CSPP1: variants seen among roughly 807,000 people sequenced by gnomAD.
The protein encoded by CSPP1 is centrosome and spindle pole-associated protein 1.
CSPP1 carries 126 observed loss-of-function variants against 164.4 expected under a neutral mutation model. The ratio of observed to expected loss-of-function variants is 0.77; its 90% CI spans 0.66 to 0.89. The LOEUF is 0.89. CSPP1 is among the 40% of genes least tolerant of loss of function. The pLI, the probability that CSPP1 is intolerant of heterozygous loss-of-function variation, is 0.00. For synonymous variants in CSPP1, 472 were observed against 476.7 expected, an observed-to-expected ratio of 0.99 and a Z score of 0.13; for missense variants, 1,395 against 1,449.8, an observed-to-expected ratio of 0.96 and a Z score of 0.61.
intron 16 of CSPP1, among the ~76,000 whole-genome samples, chr8:67,132,570 G>A (rs1439921300): frequency 6.6e-6 from 1 of 152,180 alleles, no homozygotes; most frequent in Non-Finnish European, 1.5e-5. Flanking sequence ...GAAGAGATTG[G>A]CAGAGAAATT....
chr8:67,102,563 C>T (rs531022525), intron 7 of CSPP1, among the ~76,000 whole-genome samples: 26 of 151,894 alleles, frequency 1.7e-4, no homozygotes, highest in Admixed American at 3.9e-4. Context: ...GCACTCCAGC[C>T]TGGCGACACA....
chr8:67,090,404 G>A (rs1811365640), intron 4 of CSPP1, among the ~76,000 whole-genome samples: 1 of 152,106 alleles, frequency 6.6e-6, no homozygotes, highest in Non-Finnish European at 1.5e-5. Context: ...TCCTGCCTCA[G>A]CCTCCCAAGT....
chr8:67,148,991 G>T (rs937613434), intron 17 of CSPP1, among the ~76,000 whole-genome samples: 4 of 152,134 alleles, frequency 2.6e-5, no homozygotes, highest in African/African-American at 4.8e-5. Flanking sequence ...TTAGTTGGGT[G>T]GTTCTGTCTC....
In CSPP1 at chr8:67,097,945, A is replaced by G. The variant is rs372384567; in HGVS notation, c.923+2213A>G. On this transcript the variant is annotated intron_variant, in intron 7 of 30. Coordinates refer to ENST00000678616, the MANE Select transcript of CSPP1 (RefSeq NM_001382391.1). Reference sequence around the variant, plus strand: ...TAAATCATATTTTTATTTCGTTTTTATATAAACTCTGACATCTCCAAGTGT... The same window carrying G: ...TAAATCATATTTTTATTTCGTTTTTGTATAAACTCTGACATCTCCAAGTGT... Among the ~76,000 whole-genome samples, 7 of 151,792 alleles carry G rather than the reference A, an allele frequency of 4.6e-5. No individual in the cohort carries two copies. In the South Asian group the frequency reaches 8.3e-4, roughly 18 times the overall value.
intron 28 of CSPP1, 57 bp downstream of exon 28, chr8:67,179,983 A>C: frequency 1.0e-6 from 1 of 959,664 alleles, no homozygotes; most frequent in Non-Finnish European, 1.7e-6. Flanking sequence ...CTTTCTCCAC[A>C]CTTAAAAACC....
At chr8:67,104,320 A>G (rs1280648496) in intron 8 of CSPP1, among the ~76,000 whole-genome samples, 1 of 148,826 alleles carries the variant, frequency 6.7e-6, no homozygotes, top group Non-Finnish European at 1.5e-5. Flanking sequence ...GCTGGAGTGC[A>G]GTGACATATT....
chr8:67,159,509 CTTTTTTTTTTTTTTT>C (rs1172369424), intron 21 of CSPP1, among the ~76,000 whole-genome samples: 756 of 48,944 alleles, frequency 0.015, 16 homozygotes, highest in African/African-American at 0.051. Flanking sequence ...TATATGTATT[CTTTTTTTTTTTTTTT>C]TTTTTTTTTT....
chr8:67,146,225 T>G (rs1322145867), intron 17 of CSPP1, among the ~76,000 whole-genome samples: 1 of 151,164 alleles, frequency 6.6e-6, no homozygotes, highest in East Asian at 1.9e-4. Context: ...CTGGCTAAAG[T>G]GATCTTCCCG....
At position 67,163,787 on chromosome 8, in the gene CSPP1, T is replaced by A; in HGVS notation, c.2699T>A (p.Leu900His). ...SPPVPARKNQ[L>H]RAEEEKKNVI... Reference sequence around the variant, plus strand: ...CCGGTACCTGCCAGGAAAAATCAGCTCCGTGCAGAAGGTAGAGTTAACTAC... The same window carrying A: ...CCGGTACCTGCCAGGAAAAATCAGCACCGTGCAGAAGGTAGAGTTAACTAC... The change falls in exon 23 of 31, where the codon CTC becomes CAC. Residue 900 changes from leucine to histidine, a missense_variant. Transcript: ENST00000678616. 3.1e-6 allele frequency: 5 copies of A among 1,612,940 alleles called. No homozygotes were observed. The highest frequency in any genetic ancestry group is 4.2e-6 in the Non-Finnish European group (5 of 1,179,070).
rs1465446692 is a variant in CSPP1, at chr8:67,149,952, T to G, written c.2128+17T>G. The stretch of plus-strand genomic sequence containing the variant: ...AAAGCTCAGGTTTTTAATCACTTTT[T>G]TTTTTTTTTTTTTTTTTTTACATTT... On this transcript the variant is annotated intron_variant, in intron 18 of 30. Transcript: ENST00000678616. 3.8e-6 allele frequency: 5 copies of G among 1,304,160 alleles called. No individual in the cohort carries two copies. In the African/African-American group the frequency reaches 6.2e-5, roughly 16 times the overall value. 80.8% of individuals were successfully genotyped at this position (1,304,160 alleles called of 1,614,324 possible).
chr8:67,157,599 A>C (rs375578449), intron 19 of CSPP1: 2 of 152,394 alleles, frequency 1.3e-5, no homozygotes, highest in African/African-American at 4.8e-5. Context: ...AGATAGAGCA[A>C]CCTTGAAGCT....
At chr8:67,109,699 C>CTA (rs1183064436) in intron 9 of CSPP1, among the ~76,000 whole-genome samples, 2 of 151,968 alleles carry the variant, frequency 1.3e-5, no homozygotes, top group African/African-American at 4.8e-5. Context: ...ATTGTCCGAA[C>CTA]TAGTACCCCA....
intron 3 of CSPP1, chr8:67,081,079 C>T (rs1809055099): frequency 6.6e-6 from 1 of 152,242 alleles, no homozygotes; most frequent in African/African-American, 2.4e-5. Flanking sequence ...TTTTTGTCTT[C>T]TCTGTAGCAT....
At chr8:67,074,167 G>A in intron 1 of CSPP1, 76 bp from the exon 2 acceptor site, 1 of 738,926 alleles carries the variant, frequency 1.4e-6, no homozygotes, top group South Asian at 2.0e-5. Flanking sequence ...AACTAAATGT[G>A]GACTAAGCCT....
intron 15 of CSPP1, among the ~76,000 whole-genome samples, chr8:67,124,024 C>T (rs868215254): frequency 1.3e-5 from 2 of 151,502 alleles, no homozygotes; most frequent in South Asian, 2.1e-4. Context: ...CTCAGCCTCC[C>T]GAGTAGCTGG....
Position 67,175,487 on chromosome 8 carries a change from G to A in CSPP1, c.3109+51G>A, listed in dbSNP as rs146234559. ...AATAGTATCAGCACGCTGTTTTTCCGTAGGCTTTCTGCATCTCTTCTATTG... is the reference window on the plus strand; with the variant it reads ...AATAGTATCAGCACGCTGTTTTTCCATAGGCTTTCTGCATCTCTTCTATTG... On this transcript the variant is annotated intron_variant, in intron 26 of 30. Coordinates refer to ENST00000678616, the MANE Select transcript of CSPP1 (RefSeq NM_001382391.1). 2.7e-4 allele frequency: 425 copies of A among 1,602,256 alleles called. No individual in the cohort carries two copies. In the African/African-American group the frequency reaches 3.7e-3, roughly 14 times the overall value.
intron 7 of CSPP1, among the ~76,000 whole-genome samples, chr8:67,101,235 G>T (rs1039026731): frequency 2.0e-4 from 30 of 152,152 alleles, no homozygotes; most frequent in Non-Finnish European, 2.1e-4. Flanking sequence ...CAAAATTCCA[G>T]ACTTCCTGAA....
chr8:67,190,282 G>T (rs1184152487), intron 28 of CSPP1, among the ~76,000 whole-genome samples: 1 of 152,160 alleles, frequency 6.6e-6, no homozygotes, highest in Non-Finnish European at 1.5e-5. Context: ...CAGCATAGAT[G>T]AATCTCAAAC....
At chr8:67,158,397 C>A (rs924323845) in intron 19 of CSPP1, 50 bp from the exon 20 acceptor site, 2 of 1,485,044 alleles carry the variant, frequency 1.3e-6, no homozygotes, top group Non-Finnish European at 9.0e-7. Flanking sequence ...AAGTGATATT[C>A]TAACTTTTCA....
Sources: gnomAD v4.1 joint callset for allele counts (sites outside exome capture counted in the v4.1 genomes callset) on GRCh38, gnomAD v4.1.1 for gene constraint, MANE v1.5 for transcripts, NCBI Gene and HGNC (gene_info 2026-07-23, HGNC 2026-07-21) for gene names.